Variants in YES1 observed in about 807,000 individuals in gnomAD.
YES1 encodes the protein YES proto-oncogene 1, Src family tyrosine kinase, also known as tyrosine-protein kinase Yes.
In YES1, 39 loss-of-function variants were observed where a neutral mutation model predicts 70.4. The observed-to-expected ratio is 0.55, with a 90% CI of 0.43 to 0.72. The LOEUF (loss-of-function observed/expected upper bound fraction) is 0.72, where lower values mean the gene tolerates loss of function less well. Ranked by LOEUF, YES1 falls within the 30% of genes least tolerant of loss-of-function variation. The pLI, the probability that YES1 is intolerant of heterozygous loss-of-function variation, is 0.00. For missense variants in YES1, 495 were observed against 644.8 expected, an observed-to-expected ratio of 0.77 and a Z score of 2.52; for synonymous variants, 198 against 218.6, an observed-to-expected ratio of 0.91 and a Z score of 0.83.
Position 784,563 on chromosome 18 carries a change from T to A in YES1, c.-9+27551A>T, listed in dbSNP as rs115970340. Among the ~76,000 whole-genome samples the A allele has an allele frequency of 4.2e-3, 640 of 152,340 alleles. 3 individuals are homozygous for A. Among genetic ancestry groups the A allele is most frequent in the African/African-American group, 0.015 (611 of 41,582 alleles). ...AAGTCTGACGCCGGTGTCCCTGGACTAAAATCAAGGTGTCAGCAGGGCTGC... is the reference window on the plus strand; with the variant it reads ...AAGTCTGACGCCGGTGTCCCTGGACAAAAATCAAGGTGTCAGCAGGGCTGC... On this transcript the variant is annotated intron_variant, in intron 1 of 11. Coordinates refer to ENST00000314574, the MANE Select transcript of YES1 (RefSeq NM_005433.4).
At chr18:745,681 A>G in intron 6 of YES1, 27 bp downstream of exon 6, 1 of 1,575,978 alleles carries the variant, frequency 6.3e-7, no homozygotes, top group Non-Finnish European at 8.6e-7. Flanking sequence ...TGAAGAAATA[A>G]TTTTTACCTT....
intron 1 of YES1, among the ~76,000 whole-genome samples, chr18:808,980 T>C (rs1168567448): frequency 6.6e-6 from 1 of 152,242 alleles, no homozygotes; most frequent in Non-Finnish European, 1.5e-5. Context: ...AAAGAATTAC[T>C]GTTCTAGAAA....
intron 1 of YES1, among the ~76,000 whole-genome samples, chr18:785,509 A>C (rs956751349): frequency 6.6e-6 from 1 of 152,182 alleles, no homozygotes; most frequent in Non-Finnish European, 1.5e-5. Flanking sequence ...AAAGGTCTGA[A>C]TTCTGGTAGT....
intron 1 of YES1, among the ~76,000 whole-genome samples, chr18:759,717 TTTATTA>T (rs557552611): frequency 5.5e-4 from 84 of 152,046 alleles, no homozygotes; most frequent in Non-Finnish European, 2.8e-4. Flanking sequence ...CTTTTTTTCT[TTTATTA>T]TTATTATACT....
At chr18:781,314 T>C (rs1905658051) in intron 1 of YES1, among the ~76,000 whole-genome samples, 1 of 151,764 alleles carries the variant, frequency 6.6e-6, no homozygotes, top group Non-Finnish European at 1.5e-5. Flanking sequence ...ATTTGCTTAA[T>C]TTACCTCTCT....
intron 1 of YES1, among the ~76,000 whole-genome samples, chr18:793,242 T>C (rs762845870): frequency 1.3e-5 from 2 of 152,088 alleles, no homozygotes; most frequent in Non-Finnish European, 2.9e-5. Flanking sequence ...GGTTTCACCA[T>C]GTTGGCCAGG....
intron 11 of YES1, among the ~76,000 whole-genome samples, chr18:731,102 G>A (rs951971610): frequency 4.6e-5 from 7 of 152,206 alleles, no homozygotes; most frequent in African/African-American, 1.2e-4. Flanking sequence ...GGTTGGGGTG[G>A]AGGGAGTTAT....
intron 11 of YES1, among the ~76,000 whole-genome samples, chr18:731,412 CCAGA>C (rs2080085806): frequency 1.3e-5 from 2 of 152,110 alleles, no homozygotes; most frequent in African/African-American, 2.4e-5. Context: ...ATAACAGCAA[CCAGA>C]CAAAGTGGGT....
intron 11 of YES1, among the ~76,000 whole-genome samples, chr18:731,434 T>C (rs1324668470): frequency 6.6e-6 from 1 of 152,122 alleles, no homozygotes; most frequent in Non-Finnish European, 1.5e-5. Context: ...GGTGATAAAA[T>C]TTGATGGCAT....
chr18:757,371 T>G (rs192887237), intron 1 of YES1, among the ~76,000 whole-genome samples: 9 of 151,546 alleles, frequency 5.9e-5, no homozygotes. Context: ...GGCGTGGTGG[T>G]GGGCGCCTGT....
intron 1 of YES1, among the ~76,000 whole-genome samples, chr18:779,908 C>CTTT (rs1204936148): frequency 1.4e-5 from 2 of 142,596 alleles, no homozygotes; most frequent in Non-Finnish European, 3.1e-5. Flanking sequence ...GTATGTAGTC[C>CTTT]TTTTTTTTTT....
intron 1 of YES1, among the ~76,000 whole-genome samples, chr18:764,915 T>C (rs199572255): frequency 2.0e-5 from 3 of 151,654 alleles, no homozygotes; most frequent in East Asian, 3.9e-4. Flanking sequence ...TGTGTATTTT[T>C]AGTAGAGACC....
intron 1 of YES1, among the ~76,000 whole-genome samples, chr18:772,621 A>G (rs12968865): frequency 0.63 from 95,720 of 151,504 alleles, 31,501 homozygotes; most frequent in African/African-American, 0.83. Flanking sequence ...TAGTAGAGAC[A>G]GAGTTTCACC....
intron 2 of YES1, among the ~76,000 whole-genome samples, chr18:754,417 C>G (rs1395560901): frequency 6.6e-6 from 1 of 151,998 alleles, no homozygotes. Context: ...TATCAAATAT[C>G]AGCTCAAGGC....
chr18:804,693 A>G (rs1907000131), intron 1 of YES1, among the ~76,000 whole-genome samples: 1 of 150,554 alleles, frequency 6.6e-6, no homozygotes, highest in East Asian at 2.0e-4. Flanking sequence ...CGGGCGGATC[A>G]CCTGAGATAG....
At chr18:778,852 C>T (rs1258369582) in intron 1 of YES1, among the ~76,000 whole-genome samples, 1 of 152,148 alleles carries the variant, frequency 6.6e-6, no homozygotes, top group Non-Finnish European at 1.5e-5. Context: ...AAAGGGCATA[C>T]ACTTTGTCTT....
intron 1 of YES1, among the ~76,000 whole-genome samples, chr18:771,465 A>G (rs1905153829): frequency 6.6e-6 from 1 of 152,328 alleles, no homozygotes; most frequent in South Asian, 2.1e-4. Context: ...TTATTCCTTA[A>G]AAATCACCTT....
chr18:795,861 G>T (rs1906514964), intron 1 of YES1, among the ~76,000 whole-genome samples: 1 of 151,128 alleles, frequency 6.6e-6, no homozygotes, highest in Admixed American at 6.6e-5. Flanking sequence ...CATGGCACAT[G>T]TGTACCCATG....
intron 1 of YES1, among the ~76,000 whole-genome samples, chr18:804,908 T>A (rs1314854638): frequency 2.6e-3 from 1 of 380 alleles, no homozygotes; most frequent in African/African-American, 6.7e-3. Context: ...AGTGAGACTC[T>A]GACTCAAAAA....
Sources: gnomAD v4.1 joint callset for allele counts (sites outside exome capture counted in the v4.1 genomes callset) on GRCh38, gnomAD v4.1.1 for gene constraint, MANE v1.5 for transcripts, NCBI Gene and HGNC (gene_info 2026-07-23, HGNC 2026-07-21) for gene names.